Variants in CDH12 observed in about 807,000 individuals in gnomAD.
The protein encoded by CDH12 is cadherin-12.
Under a neutral mutation model 74.1 loss-of-function variants are expected in CDH12, and 41 were observed. The observed-to-expected ratio is 0.55, with a 90% CI of 0.43 to 0.72. The LOEUF (loss-of-function observed/expected upper bound fraction) is 0.72, where lower values mean the gene tolerates loss of function less well. CDH12 is among the 30% of genes least tolerant of loss of function. The pLI, the probability that CDH12 is intolerant of heterozygous loss-of-function variation, is 0.00. For synonymous variants in CDH12, 399 were observed against 355.0 expected (o/e 1.12, Z -1.39); for missense variants, 945 against 977.2 (o/e 0.97, Z 0.44).
intron 4 of CDH12, among the ~76,000 whole-genome samples, chr5:22,092,911 A>C (rs1271955021): frequency 6.6e-6 from 1 of 152,204 alleles, no homozygotes; most frequent in Non-Finnish European, 1.5e-5. Context: ...TAGAGGGTTC[A>C]AGGGATTTGG....
rs191306042 is a variant in CDH12, at chr5:21,864,601, A to T, written c.527-9811T>A. Among the ~76,000 whole-genome samples, 1,039 of 152,334 alleles carry T rather than the reference A, an allele frequency of 6.8e-3. 9 individuals carry two copies. Among genetic ancestry groups the T allele is most frequent in the Non-Finnish European group, 9.6e-3 (652 of 68,028 alleles). On this transcript the variant is annotated intron_variant, in intron 6 of 14. Coordinates refer to ENST00000382254, the MANE Select transcript of CDH12 (RefSeq NM_004061.5). Reference sequence around the variant, plus strand: ...TTCCCAGTCTTAGGTATTCTATTACAGGAGCACAAAACAGACTAATTGGTC... The same window carrying T: ...TTCCCAGTCTTAGGTATTCTATTACTGGAGCACAAAACAGACTAATTGGTC...
At chr5:22,260,500 T>C (rs1368901020) in intron 3 of CDH12, among the ~76,000 whole-genome samples, 3 of 152,022 alleles carry the variant, frequency 2.0e-5, no homozygotes, top group Admixed American at 6.6e-5. Flanking sequence ...TTTTCTATGT[T>C]TTAAATGATT....
intron 4 of CDH12, among the ~76,000 whole-genome samples, chr5:22,184,168 AC>A (rs1749802076): frequency 6.6e-6 from 1 of 152,050 alleles, no homozygotes; most frequent in African/African-American, 2.4e-5. Context: ...AATAATGGCT[AC>A]TCTTAAGACT....
At chr5:21,984,288 C>T (rs962651977) in intron 5 of CDH12, among the ~76,000 whole-genome samples, 6 of 152,150 alleles carry the variant, frequency 3.9e-5, no homozygotes, top group African/African-American at 1.4e-4. Flanking sequence ...AGGTTACCTA[C>T]AGAATAACGT....
intron 2 of CDH12, among the ~76,000 whole-genome samples, chr5:22,457,928 A>G (rs570444541): frequency 7.2e-5 from 11 of 152,162 alleles, no homozygotes; most frequent in African/African-American, 2.4e-4. Flanking sequence ...TAATTTTAGT[A>G]AAGACGGGGT....
At chr5:22,492,571 T>C (rs1171145178) in intron 2 of CDH12, among the ~76,000 whole-genome samples, 1 of 152,118 alleles carries the variant, frequency 6.6e-6, no homozygotes, top group East Asian at 1.9e-4. Flanking sequence ...GGTCGCAAAC[T>C]CCTGACCTCT....
intron 6 of CDH12, among the ~76,000 whole-genome samples, chr5:21,868,028 A>G (rs1036944426): frequency 2.0e-5 from 3 of 152,180 alleles, no homozygotes; most frequent in African/African-American, 7.2e-5. Context: ...TGATGGTTTT[A>G]TAAGGGGAAA....
chr5:22,576,773 G>T (rs1739810455), intron 1 of CDH12, among the ~76,000 whole-genome samples: 1 of 151,242 alleles, frequency 6.6e-6, no homozygotes. Context: ...TGATAACTGA[G>T]AGAGAGAGAG....
chr5:22,472,613 A>G (rs10035815), intron 2 of CDH12, among the ~76,000 whole-genome samples: 83,414 of 151,838 alleles, frequency 0.55, 23,128 homozygotes, highest in Admixed American at 0.69. Flanking sequence ...TCTGGCTTCT[A>G]TGTTTTTTCT....
Position 22,146,166 on chromosome 5 carries a change from A to G in CDH12, c.-187+66332T>C, listed in dbSNP as rs186456348. On this transcript the variant is annotated intron_variant, in intron 4 of 14. Coordinates refer to ENST00000382254, the MANE Select transcript of CDH12 (RefSeq NM_004061.5). Reference sequence around the variant, plus strand: ...TGTGTGAAAACTTATAATGCTTTTAAATACTCTTAGTAGCCATCATAATAC... The same window carrying G: ...TGTGTGAAAACTTATAATGCTTTTAGATACTCTTAGTAGCCATCATAATAC... 3.6e-3 allele frequency among the ~76,000 whole-genome samples: 548 copies of G among 152,164 alleles called. 13 individuals carry two copies. Among genetic ancestry groups the G allele is most frequent in the Non-Finnish European group, 2.5e-3 (170 of 67,938 alleles).
chr5:22,732,193 T>A (rs968416198), intron 1 of CDH12, among the ~76,000 whole-genome samples: 14 of 151,962 alleles, frequency 9.2e-5, no homozygotes, highest in Middle Eastern at 3.4e-3. Flanking sequence ...TCTGTTTTCT[T>A]GGCTTATAGC....
chr5:22,755,477 T>C (rs1179767238), intron 1 of CDH12, among the ~76,000 whole-genome samples: 3 of 152,120 alleles, frequency 2.0e-5, no homozygotes, highest in Non-Finnish European at 4.4e-5. Flanking sequence ...CAAATAATAG[T>C]TTTTACAATA....
intron 8 of CDH12, among the ~76,000 whole-genome samples, chr5:21,831,552 C>T (rs376022399): frequency 5.3e-5 from 8 of 152,118 alleles, no homozygotes; most frequent in African/African-American, 1.9e-4. Context: ...AATGCAGTTC[C>T]AGCAGCCAAA....
At chr5:22,421,651 T>G (rs1257471728) in intron 2 of CDH12, among the ~76,000 whole-genome samples, 2 of 152,192 alleles carry the variant, frequency 1.3e-5, no homozygotes, top group Non-Finnish European at 2.9e-5. Flanking sequence ...TAAACATACG[T>G]GTACATGTGT....
At chr5:22,012,993 A>C (rs1474383508) in intron 5 of CDH12, among the ~76,000 whole-genome samples, 1 of 147,300 alleles carries the variant, frequency 6.8e-6, no homozygotes, top group Non-Finnish European at 1.5e-5. Context: ...ATAAACATGG[A>C]AATTGTATTA....
intron 3 of CDH12, among the ~76,000 whole-genome samples, chr5:22,320,214 C>A (rs1738809663): frequency 6.6e-6 from 1 of 152,008 alleles, no homozygotes; most frequent in South Asian, 2.1e-4. Flanking sequence ...GAGAAGGAAG[C>A]AGAAAACAAA....
At chr5:21,838,892 G>T (rs969053599) in intron 8 of CDH12, among the ~76,000 whole-genome samples, 1 of 152,136 alleles carries the variant, frequency 6.6e-6, no homozygotes, top group African/African-American at 2.4e-5. Context: ...TACCCACATG[G>T]ATTGCATTCT....
At chr5:22,523,725 T>G (rs937925256) in intron 1 of CDH12, among the ~76,000 whole-genome samples, 2 of 152,106 alleles carry the variant, frequency 1.3e-5, no homozygotes, top group South Asian at 2.1e-4. Flanking sequence ...CCTCATATAA[T>G]TCTCTCTTCT....
At chr5:22,316,101 G>C (rs1403053230) in intron 3 of CDH12, among the ~76,000 whole-genome samples, 3 of 152,048 alleles carry the variant, frequency 2.0e-5, no homozygotes, top group Non-Finnish European at 4.4e-5. Context: ...GGGTTCCTCA[G>C]ATGGGCAGGT....
Sources: allele counts gnomAD v4.1 joint callset (sites outside exome capture counted in the v4.1 genomes callset), GRCh38; gene constraint gnomAD v4.1.1; transcripts MANE v1.5; gene names NCBI Gene and HGNC (gene_info 2026-07-23, HGNC 2026-07-21).